The following LAIR1 variants were observed in gnomAD, a reference collection of about 807,000 sequenced individuals.
LAIR1 encodes leukocyte associated immunoglobulin like receptor 1, also known as leukocyte-associated immunoglobulin-like receptor 1.
A neutral mutation model predicts 32.8 loss-of-function variants in LAIR1; 24 were observed. That is an observed-to-expected ratio of 0.73 (90% CI 0.53 to 1.03). The LOEUF (loss-of-function observed/expected upper bound fraction) is 1.03, where lower values mean the gene tolerates loss of function less well. Ranked by LOEUF, LAIR1 falls within the 50% of genes least tolerant of loss-of-function variation. The pLI, the probability that LAIR1 is intolerant of heterozygous loss-of-function variation, is 0.00. For synonymous variants in LAIR1, 150 were observed against 140.5 expected (o/e 1.07, Z -0.48); for missense variants, 355 against 347.5 (o/e 1.02, Z -0.17).
Position 54,361,028 on chromosome 19 carries a change from G to C in LAIR1, c.252C>G (p.Ala84=). ...VSQASPSESE[A]RFRIDSVREG... ...CTCTTACTGAGTCAATGCGGAATCT[G>C]GCCTCTGACTCAGATGGACTAGCTT... The change falls in exon 3 of 10, where the codon GCC becomes GCG. Residue 84 remains alanine, a synonymous_variant. Transcript: ENST00000391742. 6.2e-7 allele frequency: 1 copy of C among 1,614,182 alleles called. No homozygotes were observed.
At position 54,361,017 on chromosome 19, in the gene LAIR1, A is replaced by G. The variant is rs2081994212; in HGVS notation, c.263T>C (p.Ile88Thr). Residue 88 changes from isoleucine (I) to threonine (T), a missense_variant, in exon 3 of 10, where the codon ATT (isoleucine) becomes ACT (threonine). Transcript: ENST00000391742. ...GGCATTTCCTTCTCTTACTGAGTCAATGCGGAATCTGGCCTCTGACTCAGA... is the reference window on the plus strand; with the variant it reads ...GGCATTTCCTTCTCTTACTGAGTCAGTGCGGAATCTGGCCTCTGACTCAGA... ...SPSESEARFRIDSVREGNAGL... is the reference protein window; with the variant it reads ...SPSESEARFRTDSVREGNAGL... 2 of 1,614,216 alleles carry G rather than the reference A, an allele frequency of 1.2e-6. No individual in the cohort carries two copies. Among genetic ancestry groups the G allele is most frequent in the African/African-American group, 1.3e-5 (1 of 75,060 alleles).
upstream of LAIR1, among the ~76,000 whole-genome samples, chr19:54,369,175 G>A (rs1471519609): frequency 6.6e-6 from 1 of 151,190 alleles, no homozygotes; most frequent in Non-Finnish European, 1.5e-5. Flanking sequence ...TAACTGACAG[G>A]CTTTCTTTGG....
upstream of LAIR1, among the ~76,000 whole-genome samples, chr19:54,365,439 C>CA (rs1431725935): frequency 2.6e-5 from 4 of 151,990 alleles, no homozygotes; most frequent in East Asian, 1.9e-4. Flanking sequence ...GGAGGTTCCT[C>CA]AAAAAATTAA....
upstream of LAIR1, among the ~76,000 whole-genome samples, chr19:54,367,140 A>G (rs1190025761): frequency 6.6e-6 from 1 of 152,218 alleles, no homozygotes; most frequent in Non-Finnish European, 1.5e-5. Flanking sequence ...GTGACATGAG[A>G]TGTAGTGTGA....
At chr19:54,368,018 C>CG (rs2082308962), upstream of LAIR1, among the ~76,000 whole-genome samples, 1 of 151,724 alleles carries the variant, frequency 6.6e-6, no homozygotes. Context: ...ATGATCCACC[C>CG]GCCTCGGCCT....
exon 1 of LAIR1, chr19:54,370,513 A>C (rs1298831891): frequency 4.9e-6 from 2 of 408,288 alleles, no homozygotes; most frequent in Non-Finnish European, 8.8e-6. Flanking sequence ...AGGGTTTACC[A>C]AGACATAGCG....
upstream of LAIR1, among the ~76,000 whole-genome samples, chr19:54,374,818 C>T (rs1186967549): frequency 6.6e-6 from 1 of 152,080 alleles, no homozygotes; most frequent in East Asian, 1.9e-4. Context: ...GTTCCAGGCC[C>T]TTAGAAATTT....
Position 54,364,808 on chromosome 19 carries a change from C to T in LAIR1, c.-4G>A, listed in dbSNP as rs775860627. The T allele has an allele frequency of 4.6e-5, 74 of 1,614,102 alleles. No homozygotes were observed. Among genetic ancestry groups the T allele is most frequent in the Middle Eastern group, 1.7e-4 (1 of 6,060 alleles). The stretch of plus-strand genomic sequence containing the variant: ...GGGCGGTGGGGTGGGGAGACATGGC[C>T]CAGGTCCCAGCAGTGCAGCCTGGCC... On this transcript the variant is annotated 5_prime_UTR_variant, in exon 1 of 10. Coordinates refer to ENST00000391742, the MANE Select transcript of LAIR1 (RefSeq NM_002287.6). The surrounding 1 kb of genome is among the most constrained non-coding windows in gnomAD (Gnocchi z 4.8).
chr19:54,356,145 TC>T, intron 8 of LAIR1, 84 bp downstream of exon 8: 2 of 1,403,890 alleles, frequency 1.4e-6, no homozygotes, highest in Non-Finnish European at 2.0e-6. Context: ...CAAAGATTCT[TC>T]CCCCCACCCC....
At chr19:54,369,351 A>G (rs540150901), upstream of LAIR1, among the ~76,000 whole-genome samples, 697 of 151,460 alleles carry the variant, frequency 4.6e-3, 37 homozygotes, top group African/African-American at 0.015. Context: ...GTGCCCAGGA[A>G]GGTTGGGGGG....
upstream of LAIR1, among the ~76,000 whole-genome samples, chr19:54,369,345 C>G (rs1207400346): frequency 1.3e-5 from 2 of 151,284 alleles, no homozygotes; most frequent in Admixed American, 1.3e-4. Flanking sequence ...CTCCAGGTGC[C>G]CAGGAAGGTT....
upstream of LAIR1, among the ~76,000 whole-genome samples, chr19:54,368,915 G>A (rs1447305714): frequency 6.6e-6 from 1 of 150,998 alleles, no homozygotes; most frequent in Non-Finnish European, 1.5e-5. Context: ...TCGAACTCCC[G>A]ACCTCAGGTG....
At position 54,353,906 on chromosome 19, in the gene LAIR1, T is replaced by C. The variant is rs2081592134; in HGVS notation, c.*1362A>G. Reference sequence around the variant, plus strand: ...CACCACCACACCCGGCTAATTTTTTTGTATTTTTAGTAGAGATGGGGTTTC... The same window carrying C: ...CACCACCACACCCGGCTAATTTTTTCGTATTTTTAGTAGAGATGGGGTTTC... On this transcript the variant is annotated 3_prime_UTR_variant, in exon 10 of 10. Coordinates refer to ENST00000391742, the MANE Select transcript of LAIR1 (RefSeq NM_002287.6). 7.0e-6 allele frequency: 1 copy of C among 143,844 alleles called. No individual in the cohort carries two copies. The highest frequency in any genetic ancestry group is 1.5e-5 in the Non-Finnish European group (1 of 65,024). 8.9% of individuals were successfully genotyped at this position (143,844 alleles called of 1,614,324 possible).
rs1413924393 is a variant in LAIR1 at position 54,359,222 on chromosome 19, G to A, written c.415+800C>T. Among the ~76,000 whole-genome samples, 5 of 151,634 alleles carry A rather than the reference G, an allele frequency of 3.3e-5. No individual in the cohort carries two copies. In the South Asian group the frequency reaches 1.0e-3, roughly 32 times the overall value. ...TCTAGGTCCAAGGACGTACTCTGGG[G>A]ATAGAAACCCAGGTGGGGAAGGGGC... On this transcript the variant is annotated intron_variant, in intron 4 of 9. Coordinates refer to ENST00000391742, the MANE Select transcript of LAIR1 (RefSeq NM_002287.6).
At chr19:54,362,451 A>G (rs1450697343) in intron 2 of LAIR1, among the ~76,000 whole-genome samples, 1 of 152,210 alleles carries the variant, frequency 6.6e-6, no homozygotes, top group Non-Finnish European at 1.5e-5. Context: ...GTGGACTTCC[A>G]GAAGGGAGGA....
At chr19:54,366,097 G>T (rs1309194899), upstream of LAIR1, among the ~76,000 whole-genome samples, 1 of 152,126 alleles carries the variant, frequency 6.6e-6, no homozygotes, top group Non-Finnish European at 1.5e-5. Flanking sequence ...AGCAGGGAAT[G>T]GTGGTTACGG....
At chr19:54,360,606 G>A (rs2081964467) in intron 3 of LAIR1, 1 of 496,254 alleles carries the variant, frequency 2.0e-6, no homozygotes, top group Admixed American at 3.5e-5. Flanking sequence ...CTTGTAGGGG[G>A]GTTGCCCCCT....
chr19:54,371,496 G>A (rs143221771), upstream of LAIR1, among the ~76,000 whole-genome samples: 2,334 of 151,090 alleles, frequency 0.015, 98 homozygotes, highest in African/African-American at 0.042. Context: ...ATGGGGTTTC[G>A]CCATGTTGAC....
chr19:54,356,430 C>T, intron 6 of LAIR1, 32 bp from the exon 7 acceptor site: 1 of 1,608,160 alleles, frequency 6.2e-7, no homozygotes, highest in Non-Finnish European at 8.5e-7. Context: ...ATTAAGGAGA[C>T]CTTCTTCCTA....
Sources: gnomAD v4.1 joint callset for allele counts (sites outside exome capture counted in the v4.1 genomes callset) on GRCh38, gnomAD v4.1.1 for gene constraint, Gnocchi (gnomAD v3.1) non-coding constraint, MANE v1.5 for transcripts, NCBI Gene and HGNC (gene_info 2026-07-23, HGNC 2026-07-21) for gene names.